Variants in ZER1 observed in about 807,000 individuals in gnomAD.
The protein encoded by ZER1 is zyg-11 related cell cycle regulator.
A neutral mutation model predicts 78.8 loss-of-function variants in ZER1; 11 were observed. The ratio of observed to expected loss-of-function variants is 0.14; its 90% CI spans 0.09 to 0.23. The LOEUF is 0.23. ZER1 is among the 10% of genes least tolerant of loss of function. The pLI is 1.00. For synonymous variants in ZER1, 400 were observed against 407.0 expected, an observed-to-expected ratio of 0.98 and a Z score of 0.21; for missense variants, 588 against 996.9, an observed-to-expected ratio of 0.59 and a Z score of 5.52.
chr9:128,731,295 G>A lies in ZER1; in HGVS notation c.*42C>T, dbSNP rs375208847. The A allele has an allele frequency of 9.4e-6, 15 of 1,602,180 alleles. No homozygotes were observed. Among genetic ancestry groups the A allele is most frequent in the East Asian group, 6.7e-5 (3 of 44,704 alleles). ...GGCTGCTTGAGCATGCTTCCTCCCC[G>A]CCTGTGGTCCAGAGCGGTGGCGGCC... On this transcript the variant is annotated 3_prime_UTR_variant, in exon 16 of 16. Coordinates refer to ENST00000291900, the MANE Select transcript of ZER1 (RefSeq NM_006336.4).
Position 128,755,585 on chromosome 9 carries a change from G to C in ZER1, c.-20C>G. 6.2e-7 allele frequency: 1 copy of C among 1,605,546 alleles called. No individual in the cohort carries two copies. The highest frequency in any genetic ancestry group is 1.1e-5 in the South Asian group (1 of 90,920). On this transcript the variant is annotated 5_prime_UTR_variant, in exon 2 of 16. Transcript: ENST00000291900. The surrounding 1 kb of genome is among the most constrained non-coding windows in gnomAD (Gnocchi z 5.6). ...CGCCATGCTGGGGGCAAGCAGGTGG[G>C]CCACTCCAGGACAAGGATCCCCAGG...
At chr9:128,770,415 C>T (rs11560592) in intron 1 of ZER1, among the ~76,000 whole-genome samples, 9,445 of 152,184 alleles carry the variant, frequency 0.062, 525 homozygotes, top group African/African-American at 0.13. Flanking sequence ...CAAGCGTGAG[C>T]CCTTATGCTG....
At chr9:128,747,915 GGCT>G (rs2132432210) in intron 8 of ZER1, among the ~76,000 whole-genome samples, 2 of 152,238 alleles carry the variant, frequency 1.3e-5, no homozygotes, top group South Asian at 4.2e-4. Context: ...CACCACACCT[GGCT>G]TAAGCATTAG....
At chr9:128,767,477 C>T (rs1369778115) in intron 1 of ZER1, among the ~76,000 whole-genome samples, 3 of 151,964 alleles carry the variant, frequency 2.0e-5, no homozygotes, top group African/African-American at 4.8e-5. Context: ...AACTCCTGGG[C>T]TCAAGCAATA....
chr9:128,743,719 C>A (rs1426688560), intron 8 of ZER1, among the ~76,000 whole-genome samples: 1 of 151,312 alleles, frequency 6.6e-6, no homozygotes, highest in African/African-American at 2.4e-5. Context: ...TGCACCTGGC[C>A]CCTGCTTTCT....
chr9:128,762,273 G>A (rs1005991956), intron 1 of ZER1, among the ~76,000 whole-genome samples: 4 of 152,136 alleles, frequency 2.6e-5, no homozygotes. Flanking sequence ...CCCAGCTTCT[G>A]GGAGCCTCCC....
chr9:128,739,149 C>G (rs887702004), intron 13 of ZER1, among the ~76,000 whole-genome samples: 48 of 151,946 alleles, frequency 3.2e-4, no homozygotes, highest in African/African-American at 1.1e-3. Flanking sequence ...TGCACCTGGC[C>G]TGATTTTTAA....
At chr9:128,756,062 T>C (rs1020733279) in intron 1 of ZER1, among the ~76,000 whole-genome samples, 1 of 152,240 alleles carries the variant, frequency 6.6e-6, no homozygotes, top group Non-Finnish European at 1.5e-5. Flanking sequence ...CAGGGCTTAA[T>C]AGACATATAG....
chr9:128,742,500 G>A (rs762243667), intron 9 of ZER1, 30 bp downstream of exon 9: 13 of 1,611,664 alleles, frequency 8.1e-6, no homozygotes, highest in African/African-American at 2.7e-5. Context: ...TGAGGCTCAG[G>A]AGGAAGGGGG....
In ZER1 at chr9:128,735,761, G is replaced by GTTTTTTTTTTTT. The variant is rs1564391224; in HGVS notation, c.2043-342_2043-331dup. Among the ~76,000 whole-genome samples the GTTTTTTTTTTTT allele has an allele frequency of 7.5e-5, 2 of 26,790 alleles. 1 individual carries two copies. The highest frequency in any genetic ancestry group is 2.4e-4 in the African/African-American group (2 of 8,358). 17.6% of individuals were successfully genotyped at this position (26,790 alleles called of 152,430 possible). ...TGGGAACAGAAGCACGTGTGACCTG[G>GTTTTTTTTTTTT]TTTTTTTTTTTTTTTTTTTTTTTTT... On this transcript the variant is annotated intron_variant, in intron 13 of 15. Transcript: ENST00000291900.
At position 128,746,458 on chromosome 9, in the gene ZER1, C is replaced by CT. The variant is rs759531558; in HGVS notation, c.1360-3714dup. ...AGTCTTCTTTTTCTCTCTTCTTTTC[C>CT]TTTTTTTTTTTTTTTTTTTTAAGAC... is the stretch of plus-strand genomic sequence containing the variant. On this transcript the variant is annotated intron_variant, in intron 8 of 15. Coordinates refer to ENST00000291900, the MANE Select transcript of ZER1 (RefSeq NM_006336.4). Among the ~76,000 whole-genome samples, 1,143 of 129,296 alleles carry CT rather than the reference C, an allele frequency of 8.8e-3. 12 individuals carry two copies. The highest frequency in any genetic ancestry group is 0.011 in the South Asian group (47 of 4,116). The allele number at this position is 129,296 out of a possible 152,430, so 84.8% of individuals were successfully genotyped here.
At chr9:128,745,319 T>C (rs1426117413) in intron 8 of ZER1, among the ~76,000 whole-genome samples, 1 of 151,348 alleles carries the variant, frequency 6.6e-6, no homozygotes, top group African/African-American at 2.4e-5. Flanking sequence ...CCTGAGTAGC[T>C]GGGACTACAG....
intron 1 of ZER1, among the ~76,000 whole-genome samples, chr9:128,770,290 AT>A (rs553397559): frequency 8.0e-5 from 12 of 149,690 alleles, no homozygotes; most frequent in African/African-American, 2.4e-4. Flanking sequence ...CGGCCAGCTA[AT>A]TTTTTTTTTG....
intron 8 of ZER1, 29 bp downstream of exon 8, chr9:128,750,587 A>G: frequency 6.2e-7 from 1 of 1,609,840 alleles, no homozygotes. Context: ...GGGCCAGAGC[A>G]TGCGGGGCCG....
chr9:128,756,032 A>G (rs1188307989), intron 1 of ZER1, among the ~76,000 whole-genome samples: 1 of 152,218 alleles, frequency 6.6e-6, no homozygotes, highest in Non-Finnish European at 1.5e-5. Context: ...GCTATGATTG[A>G]TTGAGCACTT....
In ZER1 at chr9:128,753,099, C is replaced by T. The variant is rs1271364041; in HGVS notation, c.746+65G>A. On this transcript the variant is annotated intron_variant, in intron 4 of 15. Coordinates refer to ENST00000291900, the MANE Select transcript of ZER1 (RefSeq NM_006336.4). This position sits in a 1 kb window ranked among gnomAD's most constrained non-coding sequence, Gnocchi z 7.5. ...TGAACCCTGAGGGCGTGACAACACC[C>T]ACCTCTACTCCTCCCCACCTGCCCC... is the stretch of plus-strand genomic sequence containing the variant. 2.1e-6 allele frequency: 3 copies of T among 1,440,966 alleles called. No homozygotes were observed. In the Admixed American group the frequency reaches 7.3e-5, roughly 35 times the overall value. The allele number at this position is 1,440,966 out of a possible 1,614,324, so 89.3% of individuals were successfully genotyped here.
chr9:128,734,846 G>GTTTT (rs71497406), intron 14 of ZER1, among the ~76,000 whole-genome samples: 2 of 142,932 alleles, frequency 1.4e-5, no homozygotes, highest in Non-Finnish European at 3.1e-5. Flanking sequence ...GATGGTATGT[G>GTTTT]TTTTTTTTTT....
At chr9:128,731,437 T>TGGGGGGGGGGGGGGGGGGG in intron 15 of ZER1, 43 bp from the exon 16 acceptor site, 3 of 451,586 alleles carry the variant, frequency 6.6e-6, no homozygotes, top group East Asian at 4.9e-5. Flanking sequence ...TGGGCTTGGG[T>TGGGGGGGGGGGGGGGGGGG]GGGGGTGAGC....
chr9:128,739,346 C>CA (rs1216057567), intron 13 of ZER1, among the ~76,000 whole-genome samples: 1 of 150,676 alleles, frequency 6.6e-6, no homozygotes, highest in African/African-American at 2.4e-5. Flanking sequence ...ACTAAAAATA[C>CA]AAAAAAATTA....
Sources: gnomAD v4.1 joint callset for allele counts (sites outside exome capture counted in the v4.1 genomes callset) on GRCh38, gnomAD v4.1.1 for gene constraint, Gnocchi (gnomAD v3.1) non-coding constraint, MANE v1.5 for transcripts, NCBI Gene and HGNC (gene_info 2026-07-23, HGNC 2026-07-21) for gene names.